ACTN1: variants seen among roughly 807,000 people sequenced by gnomAD.
The protein encoded by ACTN1 is actinin alpha 1.
A neutral mutation model predicts 119.6 loss-of-function variants in ACTN1; 30 were observed. The observed-to-expected ratio is 0.25, with a 90% CI of 0.19 to 0.34. ACTN1 has a LOEUF of 0.34. ACTN1 is among the 10% of genes least tolerant of loss of function. The pLI, the probability that ACTN1 is intolerant of heterozygous loss-of-function variation, is 1.00. For missense variants in ACTN1, 764 were observed against 1,223.4 expected (o/e 0.62, Z 5.60); for synonymous variants, 429 against 472.6 (o/e 0.91, Z 1.20).
At chr14:68,952,248 C>A (rs1279296254) in intron 1 of ACTN1, among the ~76,000 whole-genome samples, 2 of 152,220 alleles carry the variant, frequency 1.3e-5, no homozygotes, top group Non-Finnish European at 1.5e-5. Flanking sequence ...AGAGGGAGGC[C>A]TGCTGGAGGC....
Position 68,874,785 on chromosome 14 carries a change from G to T in ACTN1, c.*74C>A. 1 of 1,409,662 alleles carries T rather than the reference G, an allele frequency of 7.1e-7. No homozygotes were observed. Among genetic ancestry groups the T allele is most frequent in the South Asian group, 1.7e-5 (1 of 57,892 alleles). 87.3% of individuals were successfully genotyped at this position (1,409,662 alleles called of 1,614,324 possible). ...AGGCTGGGAGCTGAAACCGAACCCA[G>T]GCAGGAGATGGGCGACGGCGGAGGT... On this transcript the variant is annotated 3_prime_UTR_variant, in exon 22 of 22. Transcript: ENST00000394419.
At chr14:68,911,908 T>A (rs2034034716) in intron 4 of ACTN1, among the ~76,000 whole-genome samples, 1 of 152,252 alleles carries the variant, frequency 6.6e-6, no homozygotes, top group African/African-American at 2.4e-5. Context: ...TACTTCCCCA[T>A]GGCAGCCTTG....
chr14:68,906,507 C>T (rs1294448891), intron 6 of ACTN1, among the ~76,000 whole-genome samples: 1 of 152,120 alleles, frequency 6.6e-6, no homozygotes, highest in African/African-American at 2.4e-5. Flanking sequence ...GGAAAGTCTC[C>T]AACAGCAGCC....
In ACTN1 at chr14:68,882,620, C is replaced by T. The variant is rs762802798; in HGVS notation, c.1819-28G>A. On this transcript the variant is annotated intron_variant, in intron 15 of 21. Transcript: ENST00000394419. The surrounding 1 kb of genome is among the most constrained non-coding windows in gnomAD (Gnocchi z 4.5). ...GGGGCAGGAACAACAAGGCGACTTT[C>T]AGGATGGGTCAGCCATCTGTCCATG... The T allele has an allele frequency of 6.2e-7, 1 of 1,613,140 alleles. No homozygotes were observed. Among genetic ancestry groups the T allele is most frequent in the South Asian group, 1.1e-5 (1 of 91,020 alleles).
intron 3 of ACTN1, among the ~76,000 whole-genome samples, chr14:68,918,162 A>C (rs1041759471): frequency 2.0e-5 from 3 of 152,082 alleles, no homozygotes; most frequent in African/African-American, 7.2e-5. Context: ...CAGGTGAATG[A>C]CCTTCCCAGC....
chr14:68,903,084 G>A (rs564230263), intron 7 of ACTN1, among the ~76,000 whole-genome samples: 1 of 152,346 alleles, frequency 6.6e-6, no homozygotes, highest in Non-Finnish European at 1.5e-5. Flanking sequence ...GAAGTATGCA[G>A]TGGTAAAATG....
At position 68,885,395 on chromosome 14, in the gene ACTN1, C is replaced by T; in HGVS notation, c.1385+30G>A. The stretch of plus-strand genomic sequence containing the variant: ...AGAAAGCCCAGCCTCAGCCCCTCAC[C>T]ACAGGGTAGGGGTGTCTGGGGCCAC... On this transcript the variant is annotated intron_variant, in intron 12 of 21. Transcript: ENST00000394419. This position sits in a 1 kb window ranked among gnomAD's most constrained non-coding sequence, Gnocchi z 5.6. The T allele has an allele frequency of 6.3e-7, 1 of 1,587,088 alleles. No individual in the cohort carries two copies. Among genetic ancestry groups the T allele is most frequent in the Non-Finnish European group, 8.6e-7 (1 of 1,163,050 alleles).
chr14:68,978,408 A>T, intron 1 of ACTN1: 1 of 350,416 alleles, frequency 2.9e-6, no homozygotes, highest in South Asian at 2.1e-5. Context: ...CTCCAGGCAG[A>T]TCCGGAGGCG....
At chr14:68,978,242 A>G (rs1235114938) in intron 1 of ACTN1, 1 of 455,864 alleles carries the variant, frequency 2.2e-6, no homozygotes, top group African/African-American at 2.0e-5. Flanking sequence ...GAGGGGCAGG[A>G]CGTAGCGCAA....
intron 11 of ACTN1, chr14:68,887,844 T>C: frequency 2.4e-6 from 2 of 842,362 alleles, no homozygotes; most frequent in Admixed American, 3.4e-5. Flanking sequence ...TCCTCACTTT[T>C]CATTTCCCCG....
In ACTN1 at chr14:68,879,133, G is replaced by C. The variant is rs1188499043; in HGVS notation, c.2281-64C>G. 1 of 1,525,666 alleles carries C rather than the reference G, an allele frequency of 6.6e-7. No individual in the cohort carries two copies. The highest frequency in any genetic ancestry group is 1.4e-5 in the African/African-American group (1 of 71,644). The allele number at this position is 1,525,666 out of a possible 1,614,324, so 94.5% of individuals were successfully genotyped here. A position where few individuals can be genotyped will look rare whatever the true frequency, so the allele number is the denominator to read the frequency against. ...TCAGGGAGGTGGAGCCGTGAGGGGGGCATGCCCCGGGGGAGGGTGGCGTGT... is the reference window on the plus strand; with the variant it reads ...TCAGGGAGGTGGAGCCGTGAGGGGGCCATGCCCCGGGGGAGGGTGGCGTGT... On this transcript the variant is annotated intron_variant, in intron 18 of 21. Transcript: ENST00000394419. The surrounding 1 kb of genome is among the most constrained non-coding windows in gnomAD (Gnocchi z 4.9).
At chr14:68,970,925 T>C (rs1264761233) in intron 1 of ACTN1, among the ~76,000 whole-genome samples, 2 of 152,198 alleles carry the variant, frequency 1.3e-5, no homozygotes. Flanking sequence ...GAGCCTTACT[T>C]TCCCTGCATG....
intron 1 of ACTN1, among the ~76,000 whole-genome samples, chr14:68,949,215 G>A (rs369868520): frequency 6.6e-6 from 1 of 152,334 alleles, no homozygotes; most frequent in East Asian, 1.9e-4. Flanking sequence ...GAGGTCATAA[G>A]AAGAATGGGC....
chr14:68,925,682 G>A lies in ACTN1; in HGVS notation c.106-10C>T. The stretch of plus-strand genomic sequence containing the variant: ...ACCATGCCGTGAATGTCTGGGCAGA[G>A]ACAAGAAGGGCAAGTGGTCAGGGGG... On this transcript the variant is annotated splice_polypyrimidine_tract_variant and intron_variant, in intron 1 of 21. Transcript: ENST00000394419. This position sits in a 1 kb window ranked among gnomAD's most constrained non-coding sequence, Gnocchi z 4.3. 1 of 1,605,502 alleles carries A rather than the reference G, an allele frequency of 6.2e-7. No individual in the cohort carries two copies. The highest frequency in any genetic ancestry group is 8.5e-7 in the Non-Finnish European group (1 of 1,174,376).
chr14:68,928,676 T>G (rs2035050792), intron 1 of ACTN1, among the ~76,000 whole-genome samples: 1 of 152,130 alleles, frequency 6.6e-6, no homozygotes, highest in Non-Finnish European at 1.5e-5. Context: ...TGTAAAAAAC[T>G]TGCCATTTAG....
At chr14:68,883,143 A>C in intron 14 of ACTN1, 88 bp from the exon 15 acceptor site, 4 of 1,373,220 alleles carry the variant, frequency 2.9e-6, no homozygotes, top group Non-Finnish European at 4.0e-6. Context: ...GTTCCACACC[A>C]GCTGGGAGAC....
At position 68,878,426 on chromosome 14, in the gene ACTN1, C is replaced by G. The variant is rs1289067440; in HGVS notation, c.2427+32G>C. On this transcript the variant is annotated intron_variant, in intron 20 of 21. Transcript: ENST00000394419. The surrounding 1 kb of genome is among the most constrained non-coding windows in gnomAD (Gnocchi z 4.4). Reference sequence around the variant, plus strand: ...CTCCCGCCAGCTGGCTGCCTTCTCACCAGGGCAGACAGAGGGTGGGGTTTA... The same window carrying G: ...CTCCCGCCAGCTGGCTGCCTTCTCAGCAGGGCAGACAGAGGGTGGGGTTTA... The G allele has an allele frequency of 6.5e-7, 1 of 1,531,184 alleles. No individual in the cohort carries two copies. Among genetic ancestry groups the G allele is most frequent in the African/African-American group, 1.4e-5 (1 of 72,264 alleles). The allele number at this position is 1,531,184 out of a possible 1,614,324, so 94.8% of individuals were successfully genotyped here.
chr14:68,943,848 G>T (rs2035844792), intron 1 of ACTN1, among the ~76,000 whole-genome samples: 1 of 152,244 alleles, frequency 6.6e-6, no homozygotes, highest in African/African-American at 2.4e-5. Flanking sequence ...ACTGAGGTGT[G>T]AACTAGGTCG....
intron 1 of ACTN1, chr14:68,936,513 TTA>T: frequency 3.3e-6 from 1 of 305,882 alleles, no homozygotes; most frequent in Non-Finnish European, 6.3e-6. Flanking sequence ...TTTTTTTTTT[TTA>T]AGTATGCAAA....
Sources: gnomAD v4.1 joint callset for allele counts (sites outside exome capture counted in the v4.1 genomes callset) on GRCh38, gnomAD v4.1.1 for gene constraint, Gnocchi (gnomAD v3.1) non-coding constraint, MANE v1.5 for transcripts, NCBI Gene and HGNC (gene_info 2026-07-23, HGNC 2026-07-21) for gene names.